MAP3K4: variants seen among roughly 807,000 people sequenced by gnomAD.
MAP3K4 encodes the protein MAP three kinase 1.
In MAP3K4, 67 loss-of-function variants were observed where a neutral mutation model predicts 185.6. That is an observed-to-expected ratio of 0.36 (90% CI 0.30 to 0.44). The LOEUF (loss-of-function observed/expected upper bound fraction) is 0.44. Ranked by LOEUF, MAP3K4 falls within the 20% of genes least tolerant of loss-of-function variation. The probability of loss-of-function intolerance (pLI) is 1.00; values close to 1 mark genes in which losing one functional copy is unlikely to be tolerated. For synonymous variants in MAP3K4, 702 were observed against 710.4 expected (o/e 0.99, Z 0.19); for missense variants, 1,551 against 1,995.1 (o/e 0.78, Z 4.24).
intron 3 of MAP3K4, among the ~76,000 whole-genome samples, chr6:161,057,608 G>C (rs1013777972): frequency 3.3e-5 from 5 of 152,142 alleles, no homozygotes; most frequent in Non-Finnish European, 7.3e-5. Flanking sequence ...CAAACCTCCT[G>C]TGTGCCTCAC....
Position 161,034,374 on chromosome 6 carries a change from C to A in MAP3K4, c.268C>A (p.Arg90=). 6.2e-7 allele frequency: 1 copy of A among 1,613,786 alleles called. No homozygotes were observed. The highest frequency in any genetic ancestry group is 8.5e-7 in the Non-Finnish European group (1 of 1,179,882). The change falls in exon 2 of 27, where the codon CGA becomes AGA. Residue 90 remains arginine (R), a synonymous_variant. Coordinates refer to ENST00000392142, the MANE Select transcript of MAP3K4 (RefSeq NM_005922.4). The surrounding 1 kb of genome is among the most constrained non-coding windows in gnomAD (Gnocchi z 4.4). The part of the protein sequence containing the change: ...LYGTSPPSTP[R]QMKRMSTKHQ... ...TGGTACCTCTCCCCCCAGCACACCT[C>A]GACAGATGAAACGCATGTCAACCAA...
chr6:161,086,620 C>A lies in MAP3K4; in HGVS notation c.2509C>A (p.Pro837Thr), dbSNP rs764067018. ...EIAAEFRLSAPVRDLLDVLKS... is the reference protein window; with the variant it reads ...EIAAEFRLSATVRDLLDVLKS... ...AGCAGCAGAATTCAGGCTTTCAGCC[C>A]CAGTTAGAGACCTCCTGGATGTTCT... Residue 837 changes from proline to threonine, a missense_variant, in exon 9 of 27, where the codon CCA becomes ACA. Around this residue, in one of 16 missense-constraint regions of MAP3K4, gnomAD observed 261 missense variants for 306.5 expected, o/e 0.85. Transcript: ENST00000392142. The surrounding 1 kb of genome is among the most constrained non-coding windows in gnomAD (Gnocchi z 4.8). 1 of 1,614,034 alleles carries A rather than the reference C, an allele frequency of 6.2e-7. No individual in the cohort carries two copies. The highest frequency in any genetic ancestry group is 1.7e-5 in the Admixed American group (1 of 60,016).
chr6:161,050,700 C>A (rs1783963612), intron 3 of MAP3K4, among the ~76,000 whole-genome samples: 1 of 152,100 alleles, frequency 6.6e-6, no homozygotes, highest in Non-Finnish European at 1.5e-5. Context: ...GGTGGTAATA[C>A]TAGACAAGGG....
In MAP3K4 at chr6:161,043,813, C is replaced by A. The variant is rs1783600347; in HGVS notation, c.344-4803C>A. 6.6e-6 allele frequency among the ~76,000 whole-genome samples: 1 copy of A among 152,182 alleles called. No individual in the cohort carries two copies. The highest frequency in any genetic ancestry group is 2.4e-5 in the African/African-American group (1 of 41,442). ...TCTGGTATTCTAGTTCATCATTACT[C>A]TGAAGATCATCTCATACTTAAAGAT... On this transcript the variant is annotated intron_variant, in intron 2 of 26. Transcript: ENST00000392142. The surrounding 1 kb of genome is among the most constrained non-coding windows in gnomAD (Gnocchi z 4.3).
chr6:161,064,998 C>T lies in MAP3K4; in HGVS notation c.1708-5610C>T, dbSNP rs917975022. Among the ~76,000 whole-genome samples, 1 of 152,120 alleles carries T rather than the reference C, an allele frequency of 6.6e-6. No individual in the cohort carries two copies. Among genetic ancestry groups the T allele is most frequent in the Non-Finnish European group, 1.5e-5 (1 of 68,036 alleles). ...AGCAGGCACAAATTCCAGGAGGTCA[C>T]GCTGTTACAGAGGTAGTCACAGTGC... On this transcript the variant is annotated intron_variant, in intron 3 of 26. Transcript: ENST00000392142. The surrounding 1 kb of genome is among the most constrained non-coding windows in gnomAD (Gnocchi z 4.3).
Position 161,034,395 on chromosome 6 carries a change from A to G in MAP3K4, c.289A>G (p.Thr97Ala), listed in dbSNP as rs1783066446. 4 of 1,613,872 alleles carry G rather than the reference A, an allele frequency of 2.5e-6. No individual in the cohort carries two copies. In the South Asian group the frequency reaches 3.3e-5, roughly 13 times the overall value. The change falls in exon 2 of 27, where the codon ACC (threonine) becomes GCC (alanine). Residue 97 changes from threonine (T) to alanine (A), a missense_variant. By Grantham distance (58) the Thr-to-Ala change is moderately conservative (BLOSUM62 0). Around this residue, in one of 16 missense-constraint regions of MAP3K4, gnomAD observed 287 missense variants for 268.8 expected, o/e 1.07. Transcript: ENST00000392142. The surrounding 1 kb of genome is among the most constrained non-coding windows in gnomAD (Gnocchi z 4.4). ...ACCTCGACAGATGAAACGCATGTCAACCAAACATCAGAGGAATAATGTGGG... is the reference window on the plus strand; with the variant it reads ...ACCTCGACAGATGAAACGCATGTCAGCCAAACATCAGAGGAATAATGTGGG... Reference protein sequence around the residue: ...STPRQMKRMSTKHQRNNVGRP... With the variant: ...STPRQMKRMSAKHQRNNVGRP...
rs746966746 is a variant in MAP3K4, at chr6:161,048,640, C to G, written c.368C>G (p.Pro123Arg). 4.4e-6 allele frequency: 7 copies of G among 1,591,058 alleles called. No homozygotes were observed. The highest frequency in any genetic ancestry group is 1.8e-5 in the Admixed American group (1 of 54,720). ...LKEKMNAPNQPPHKDTGKTVE... is the reference protein window; with the variant it reads ...LKEKMNAPNQRPHKDTGKTVE... ...GAAAAAATGAATGCACCAAATCAGCCTCCACATAAAGACACTGGAAAAACA... is the reference window on the plus strand; with the variant it reads ...GAAAAAATGAATGCACCAAATCAGCGTCCACATAAAGACACTGGAAAAACA... The change falls in exon 3 of 27, where the codon CCT becomes CGT. Residue 123 changes from proline (P) to arginine (R), a missense_variant. Physicochemically the swap from Pro to Arg is moderately radical, Grantham distance 103. Around this residue, in one of 16 missense-constraint regions of MAP3K4, gnomAD observed 287 missense variants for 268.8 expected, o/e 1.07. Transcript: ENST00000392142. The surrounding 1 kb of genome is among the most constrained non-coding windows in gnomAD (Gnocchi z 4.7).
In MAP3K4 at chr6:161,070,488, TA is replaced by T. The variant is rs1283563066; in HGVS notation, c.1708-116del. On this transcript the variant is annotated intron_variant, in intron 3 of 26. Coordinates refer to ENST00000392142, the MANE Select transcript of MAP3K4 (RefSeq NM_005922.4). This position sits in a 1 kb window ranked among gnomAD's most constrained non-coding sequence, Gnocchi z 4.5. ...AAATTATTAAATATTCTTTTCCCTG[TA>T]AAATTAGAATTTTTGTAGATTTGTT... The T allele has an allele frequency of 1.4e-6, 1 of 716,168 alleles. No homozygotes were observed. The highest frequency in any genetic ancestry group is 2.2e-6 in the Non-Finnish European group (1 of 459,838). The allele number at this position is 716,168 out of a possible 1,614,324, so 44.4% of individuals were successfully genotyped here. A position where few individuals can be genotyped will look rare whatever the true frequency, so the allele number is the denominator to read the frequency against.
chr6:161,025,592 T>C (rs967730040), intron 1 of MAP3K4, among the ~76,000 whole-genome samples: 8 of 152,206 alleles, frequency 5.3e-5, no homozygotes, highest in Non-Finnish European at 1.2e-4. Context: ...GCTAAGGAGA[T>C]CCAGGCAGCT....
rs770640705 is a variant in MAP3K4 at position 161,115,284 on chromosome 6, C to T, written c.4788C>T (p.Leu1596=). 3 of 1,613,102 alleles carry T rather than the reference C, an allele frequency of 1.9e-6. No homozygotes were observed. The highest frequency in any genetic ancestry group is 2.2e-5 in the East Asian group (1 of 44,868). ...TGAGATGGACCGCCAGCCAGCTCCT[C>T]GACCATTCGTTTGTCAAGGTTTGGC... The part of the protein sequence containing the change: ...PKMRWTASQL[L]DHSFVKVCTD... Residue 1596 remains leucine (L), a synonymous_variant, in exon 26 of 27, where the codon CTC becomes CTT. Coordinates refer to ENST00000392142, the MANE Select transcript of MAP3K4 (RefSeq NM_005922.4). This position sits in a 1 kb window ranked among gnomAD's most constrained non-coding sequence, Gnocchi z 6.0.
At chr6:161,104,674 G>C (rs982082035) in intron 19 of MAP3K4, among the ~76,000 whole-genome samples, 2 of 141,046 alleles carry the variant, frequency 1.4e-5, no homozygotes, top group Non-Finnish European at 3.0e-5. Context: ...TCGTGCCCCT[G>C]TACTCCAGCC....
intron 2 of MAP3K4, among the ~76,000 whole-genome samples, chr6:161,040,915 G>C (rs1783421191): frequency 6.6e-6 from 1 of 152,254 alleles, no homozygotes; most frequent in South Asian, 2.1e-4. Flanking sequence ...TCTGCATGCT[G>C]CTGGCCAGTG....
chr6:161,081,016 G>A lies in MAP3K4; in HGVS notation c.2233G>A (p.Ala745Thr). The A allele has an allele frequency of 6.2e-7, 1 of 1,614,088 alleles. No homozygotes were observed. Among genetic ancestry groups the A allele is most frequent in the Non-Finnish European group, 8.5e-7 (1 of 1,180,020 alleles). The change falls in exon 6 of 27, where the codon GCA (alanine) becomes ACA (threonine). Residue 745 changes from alanine to threonine, a missense_variant. Coordinates refer to ENST00000392142, the MANE Select transcript of MAP3K4 (RefSeq NM_005922.4). Reference protein sequence around the residue: ...EITHYIRGGEAQAGKLFCDIA... With the variant: ...EITHYIRGGETQAGKLFCDIA... The stretch of plus-strand genomic sequence containing the variant: ...AACTCATTACATACGGGGAGGAGAA[G>A]CACAGGCCGGGAAGCTTTTCTGGTA...
At chr6:161,092,820 C>T (rs953638164) in intron 13 of MAP3K4, among the ~76,000 whole-genome samples, 158 bp from the exon 14 acceptor site, 4 of 152,074 alleles carry the variant, frequency 2.6e-5, no homozygotes, top group African/African-American at 9.7e-5. Context: ...TTCTCCTTTC[C>T]AAAAGGTCAC....
chr6:161,081,646 G>A (rs1384725147), intron 6 of MAP3K4, among the ~76,000 whole-genome samples: 3 of 152,172 alleles, frequency 2.0e-5, no homozygotes, highest in African/African-American at 2.4e-5. Context: ...GAGTCGCAGG[G>A]CTGGTCTGTC....
Position 161,116,809 on chromosome 6 carries a change from C to G in MAP3K4, c.4807-41C>G, listed in dbSNP as rs1466884781. ...ACTGCGCGTATGCACAAGCACACAC[C>G]TGGCTCTGCAAGAGCTCAGCTCTCT... On this transcript the variant is annotated intron_variant, in intron 26 of 26. Transcript: ENST00000392142. The surrounding 1 kb of genome is among the most constrained non-coding windows in gnomAD (Gnocchi z 6.2). 1.2e-6 allele frequency: 2 copies of G among 1,607,760 alleles called. No homozygotes were observed. Among genetic ancestry groups the G allele is most frequent in the Non-Finnish European group, 1.7e-6 (2 of 1,174,594 alleles).
At chr6:161,089,823 A>G (rs1434034945) in intron 11 of MAP3K4, among the ~76,000 whole-genome samples, 2 of 152,212 alleles carry the variant, frequency 1.3e-5, no homozygotes, top group Non-Finnish European at 2.9e-5. Flanking sequence ...TACTAGAGGT[A>G]CTCCATATCA....
chr6:161,024,912 G>C (rs6913867), intron 1 of MAP3K4, among the ~76,000 whole-genome samples: 94,559 of 151,996 alleles, frequency 0.62, 30,418 homozygotes, highest in Admixed American at 0.73. Context: ...TTCTGTACAG[G>C]AGATACGTAT....
rs547131636 is a variant in MAP3K4, at chr6:161,075,224, G to A, written c.2097+1612G>A. Among the ~76,000 whole-genome samples the A allele has an allele frequency of 2.6e-5, 4 of 152,196 alleles. No homozygotes were observed. Among genetic ancestry groups the A allele is most frequent in the East Asian group, 1.9e-4 (1 of 5,176 alleles). The stretch of plus-strand genomic sequence containing the variant: ...GACTGAAACGCAGTGGTGTGTTGAC[G>A]GCTTCCTGTAGTCTCAACCTACTGG... On this transcript the variant is annotated intron_variant, in intron 5 of 26. Coordinates refer to ENST00000392142, the MANE Select transcript of MAP3K4 (RefSeq NM_005922.4). The surrounding 1 kb of genome is among the most constrained non-coding windows in gnomAD (Gnocchi z 4.3).
Sources: allele counts gnomAD v4.1 joint callset (sites outside exome capture counted in the v4.1 genomes callset), GRCh38; gene constraint gnomAD v4.1.1; regional missense constraint gnomAD v4.1.1; non-coding constraint Gnocchi (gnomAD v3.1); transcripts MANE v1.5; gene names NCBI Gene and HGNC (gene_info 2026-07-23, HGNC 2026-07-21).